Variants in SUGCT observed in about 807,000 individuals in gnomAD.
SUGCT encodes succinyl-CoA:glutarate CoA-transferase.
Under a neutral mutation model 55.0 loss-of-function variants are expected in SUGCT, and 41 were observed. That is an observed-to-expected ratio of 0.74 (90% CI 0.58 to 0.97). SUGCT has a LOEUF of 0.97. SUGCT is among the 50% of genes least tolerant of loss of function. The pLI is 0.00. For missense variants in SUGCT, 568 were observed against 547.8 expected, an observed-to-expected ratio of 1.04 and a Z score of -0.37; for synonymous variants, 187 against 200.4, an observed-to-expected ratio of 0.93 and a Z score of 0.56.
At chr7:40,326,234 GA>G (rs1459763079) in intron 9 of SUGCT, among the ~76,000 whole-genome samples, 2 of 152,130 alleles carry the variant, frequency 1.3e-5, no homozygotes, top group Admixed American at 6.5e-5. Context: ...ATATAGCAGG[GA>G]AAGTTGGGAG....
the SUGCT span, among the ~76,000 whole-genome samples, chr7:40,997,860 G>C: frequency 6.6e-6 from 1 of 152,126 alleles, no homozygotes; most frequent in African/African-American, 2.4e-5. Flanking sequence ...TCTTGGTATT[G>C]ATCTCTTGAC....
chr7:40,328,473 G>A (rs1352691883), intron 9 of SUGCT, among the ~76,000 whole-genome samples: 1 of 152,100 alleles, frequency 6.6e-6, no homozygotes, highest in Non-Finnish European at 1.5e-5. Context: ...GGACAGAGCT[G>A]GGATGGGAAG....
At chr7:40,330,431 A>T (rs1193875063) in intron 9 of SUGCT, among the ~76,000 whole-genome samples, 1 of 152,188 alleles carries the variant, frequency 6.6e-6, no homozygotes, top group African/African-American at 2.4e-5. Flanking sequence ...TTAGGTCTGC[A>T]TATTAGGAAA....
In SUGCT at chr7:40,420,344, G is replaced by A. The variant is rs189653102; in HGVS notation, c.817-28943G>A. The stretch of plus-strand genomic sequence containing the variant: ...GTAGTTTTTTTTGTTTTTTGTTTTT[G>A]TTTTTGTTTTTTGAGACAGAATCTT... On this transcript the variant is annotated intron_variant, in intron 9 of 13. Coordinates refer to ENST00000335693, the MANE Select transcript of SUGCT (RefSeq NM_001193313.2). Among the ~76,000 whole-genome samples the A allele has an allele frequency of 2.2e-3, 339 of 151,788 alleles. 3 individuals carry two copies. The highest frequency in any genetic ancestry group is 7.7e-3 in the African/African-American group (320 of 41,382).
intron 1 of SUGCT, among the ~76,000 whole-genome samples, chr7:40,159,374 G>GTTGT (rs922267181): frequency 6.6e-6 from 1 of 151,724 alleles, no homozygotes; most frequent in East Asian, 1.9e-4. Context: ...AATTGTTGTC[G>GTTGT]TTGTTTGTTT....
intron 12 of SUGCT, among the ~76,000 whole-genome samples, chr7:40,578,719 G>T (rs1796912743): frequency 6.6e-6 from 1 of 152,148 alleles, no homozygotes; most frequent in South Asian, 2.1e-4. Context: ...AGGCACTCAA[G>T]AATGGGAAGT....
At chr7:40,562,769 C>G (rs1307609505) in intron 12 of SUGCT, among the ~76,000 whole-genome samples, 1 of 152,076 alleles carries the variant, frequency 6.6e-6, no homozygotes, top group Non-Finnish European at 1.5e-5. Context: ...AAGGGTCAGA[C>G]AGAAGGAATG....
chr7:40,664,593 C>A (rs1316661291), intron 12 of SUGCT, among the ~76,000 whole-genome samples: 2 of 152,172 alleles, frequency 1.3e-5, no homozygotes, highest in African/African-American at 2.4e-5. Context: ...ACAAAGTCCT[C>A]CACTGAATAA....
chr7:40,773,218 T>A (rs1447719099), intron 13 of SUGCT, among the ~76,000 whole-genome samples: 1 of 150,386 alleles, frequency 6.6e-6, no homozygotes, highest in Non-Finnish European at 1.5e-5. Context: ...AACTTCCACC[T>A]CCTGGGTTCA....
At chr7:40,903,117 C>T in the SUGCT span, among the ~76,000 whole-genome samples, 2 of 151,664 alleles carry the variant, frequency 1.3e-5, no homozygotes, top group Admixed American at 6.6e-5. Flanking sequence ...CTGCAACCTC[C>T]GCCTCCCGGG....
At chr7:40,539,961 A>G (rs1794586408) in intron 12 of SUGCT, among the ~76,000 whole-genome samples, 1 of 152,194 alleles carries the variant, frequency 6.6e-6, no homozygotes, top group Admixed American at 6.5e-5. Context: ...TGGGGAGTAG[A>G]TAACATTATC....
At chr7:40,201,340 C>T (rs771943418) in intron 6 of SUGCT, among the ~76,000 whole-genome samples, 6 of 152,128 alleles carry the variant, frequency 3.9e-5, no homozygotes, top group Non-Finnish European at 8.8e-5. Context: ...TGGCGATGTT[C>T]ACACTGCATT....
At position 40,225,678 on chromosome 7, in the gene SUGCT, C is replaced by T. The variant is rs570583250; in HGVS notation, c.485-11957C>T. Among the ~76,000 whole-genome samples, 68 of 152,060 alleles carry T rather than the reference C, an allele frequency of 4.5e-4. 1 individual carries two copies. The highest frequency in any genetic ancestry group is 3.9e-3 in the Admixed American group (59 of 15,244). On this transcript the variant is annotated intron_variant, in intron 6 of 13. Transcript: ENST00000335693. ...CTTGAACTCCTGACCTCAATTAATC[C>T]GCCTGCCTCAGCCTCCCAAATTGCT...
chr7:40,552,718 T>G (rs899269643), intron 12 of SUGCT, among the ~76,000 whole-genome samples: 1 of 152,184 alleles, frequency 6.6e-6, no homozygotes, highest in Non-Finnish European at 1.5e-5. Flanking sequence ...GGGCAAATTA[T>G]GTTTTAAGTG....
At chr7:40,184,288 T>C (rs1439200782) in intron 3 of SUGCT, among the ~76,000 whole-genome samples, 1 of 152,146 alleles carries the variant, frequency 6.6e-6, no homozygotes, top group Non-Finnish European at 1.5e-5. Context: ...TGTTTTATTT[T>C]ATTTTTTTTT....
chr7:40,158,045 A>G (rs1783980514), intron 1 of SUGCT, among the ~76,000 whole-genome samples: 5 of 152,116 alleles, frequency 3.3e-5, no homozygotes, highest in African/African-American at 1.2e-4. Context: ...CGTCTTTATT[A>G]AAAATACAAA....
intron 9 of SUGCT, among the ~76,000 whole-genome samples, chr7:40,417,828 G>T (rs990874689): frequency 6.6e-6 from 1 of 151,656 alleles, no homozygotes; most frequent in Non-Finnish European, 1.5e-5. Flanking sequence ...CTTTGTCGAT[G>T]ACTGTTTTAT....
chr7:40,891,386 A>G, the SUGCT span, among the ~76,000 whole-genome samples: 1 of 152,232 alleles, frequency 6.6e-6, no homozygotes, highest in East Asian at 1.9e-4. Flanking sequence ...GTCAGAGTCA[A>G]AGAGAAAATT....
intron 9 of SUGCT, among the ~76,000 whole-genome samples, chr7:40,391,848 G>A (rs1049879432): frequency 2.6e-5 from 4 of 152,164 alleles, no homozygotes; most frequent in South Asian, 2.1e-4. Context: ...TGTTTGTTGC[G>A]GCACTATTCA....
Sources: allele counts gnomAD v4.1 joint callset (sites outside exome capture counted in the v4.1 genomes callset), GRCh38; gene constraint gnomAD v4.1.1; transcripts MANE v1.5; gene names NCBI Gene and HGNC (gene_info 2026-07-23, HGNC 2026-07-21).